IL18RAP: variants seen among roughly 807,000 people sequenced by gnomAD.
IL18RAP encodes the protein interleukin-18 receptor accessory protein.
IL18RAP carries 37 observed loss-of-function variants against 58.1 expected under a neutral mutation model. That is an observed-to-expected ratio of 0.64 (90% CI 0.49 to 0.84). The LOEUF is 0.84. Among genes scored for constraint, IL18RAP ranks in the 40% least tolerant of loss-of-function variants. The probability of loss-of-function intolerance (pLI) is 0.00; values close to 1 mark genes in which losing one functional copy is unlikely to be tolerated. For synonymous variants in IL18RAP, 268 were observed against 257.5 expected (o/e 1.04, Z -0.39); for missense variants, 667 against 704.8 (o/e 0.95, Z 0.61).
intron 8 of IL18RAP, among the ~76,000 whole-genome samples, chr2:102,449,368 T>C (rs1427779132): frequency 6.6e-6 from 1 of 152,190 alleles, no homozygotes; most frequent in Admixed American, 6.5e-5. Flanking sequence ...TTAAGATTTA[T>C]TTTAATAACT....
Position 102,450,835 on chromosome 2 carries a change from T to C in IL18RAP, c.1211-13T>C. ...AAATGACTTATGTTTTTATAAATTT[T>C]CCTATTCTTCAGATAAAAAGGATTT... On this transcript the variant is annotated splice_polypyrimidine_tract_variant and intron_variant, in intron 8 of 9. Coordinates refer to ENST00000687160, the MANE Select transcript of IL18RAP (RefSeq NM_001393487.1). 6.4e-7 allele frequency: 1 copy of C among 1,552,628 alleles called. No individual in the cohort carries two copies. The highest frequency in any genetic ancestry group is 8.7e-7 in the Non-Finnish European group (1 of 1,147,698).
intron 7 of IL18RAP, among the ~76,000 whole-genome samples, chr2:102,446,183 G>C (rs1345976522): frequency 6.6e-6 from 1 of 152,108 alleles, no homozygotes; most frequent in Non-Finnish European, 1.5e-5. Flanking sequence ...TTTACGAGGG[G>C]AAAAAATAAA....
intron 3 of IL18RAP, chr2:102,435,043 T>C (rs1461366691): frequency 1.3e-5 from 2 of 152,220 alleles, no homozygotes; most frequent in Non-Finnish European, 2.9e-5. Context: ...TAGAATGTTG[T>C]TAGTTGATAA....
intron 5 of IL18RAP, among the ~76,000 whole-genome samples, chr2:102,442,412 T>C (rs1464895786): frequency 1.3e-5 from 2 of 151,988 alleles, no homozygotes; most frequent in Non-Finnish European, 2.9e-5. Context: ...GCAGGAGTGG[T>C]GTGTTCTGAC....
At position 102,443,227 on chromosome 2, in the gene IL18RAP, C is replaced by T. The variant is rs772036162; in HGVS notation, c.824C>T (p.Ala275Val). 6.2e-7 allele frequency: 1 copy of T among 1,613,334 alleles called. No individual in the cohort carries two copies. Among genetic ancestry groups the T allele is most frequent in the Admixed American group, 1.7e-5 (1 of 59,742 alleles). Residue 275 changes from alanine (A) to valine (V), a missense_variant, in exon 6 of 10, where the codon GCA (alanine) becomes GTA (valine). Transcript: ENST00000687160. ...AAGCCTTTAACTATTAGCTGCAAAG[C>T]ACGATTTGGCTTTGAAAGGGTCTTT... ...LGKPLTISCK[A>V]RFGFERVFNP...
intron 4 of IL18RAP, among the ~76,000 whole-genome samples, chr2:102,438,315 C>T (rs141456395): frequency 9.2e-5 from 14 of 152,298 alleles, no homozygotes; most frequent in South Asian, 2.1e-4. Context: ...GAGTGGTTGA[C>T]GTAGCTGTTA....
Position 102,441,330 on chromosome 2 carries a change from A to G in IL18RAP, c.749A>G (p.Lys250Arg). ...VRTIVGDTKL[K>R]PDILDPVEDT... The stretch of plus-strand genomic sequence containing the variant: ...CTTTCAGTGGGAGACACTAAACTCA[A>G]ACCAGATATTCTGGATCCTGTCGAG... The change falls in exon 5 of 10, where the codon AAA becomes AGA. Residue 250 changes from lysine (K) to arginine (R), a missense_variant. Lys to Arg is a conservative substitution (Grantham distance 26, BLOSUM62 2). Coordinates refer to ENST00000687160, the MANE Select transcript of IL18RAP (RefSeq NM_001393487.1). The G allele has an allele frequency of 6.2e-7, 1 of 1,613,374 alleles. No individual in the cohort carries two copies.
At chr2:102,439,669 GT>G (rs1356565312) in intron 4 of IL18RAP, 2 of 152,270 alleles carry the variant, frequency 1.3e-5, no homozygotes, top group African/African-American at 4.8e-5. Context: ...AATCAAGGAT[GT>G]TTTTTGTTTT....
At chr2:102,432,958 C>T (rs562945555) in intron 3 of IL18RAP, among the ~76,000 whole-genome samples, 2 of 152,136 alleles carry the variant, frequency 1.3e-5, no homozygotes, top group Admixed American at 6.5e-5. Context: ...TGTAATGTAA[C>T]GGCATTTTAT....
chr2:102,443,179 C>G, intron 5 of IL18RAP, 21 bp from the exon 6 acceptor site: 2 of 1,603,594 alleles, frequency 1.2e-6, no homozygotes, highest in Non-Finnish European at 1.7e-6. Flanking sequence ...TTCTTGTTTT[C>G]TCTGGCCTCT....
chr2:102,421,211 C>A (rs966513835), upstream of IL18RAP, among the ~76,000 whole-genome samples: 1 of 152,054 alleles, frequency 6.6e-6, no homozygotes, highest in Non-Finnish European at 1.5e-5. Context: ...TATTTTCAGA[C>A]AATAATATGT....
At chr2:102,438,901 G>A (rs1682923271) in intron 4 of IL18RAP, 1 of 152,252 alleles carries the variant, frequency 6.6e-6, no homozygotes, top group Non-Finnish European at 1.5e-5. Flanking sequence ...GGAGCACTAT[G>A]GGCACATGGA....
chr2:102,426,333 GA>G (rs1681940623), intron 3 of IL18RAP, among the ~76,000 whole-genome samples: 1 of 152,088 alleles, frequency 6.6e-6, no homozygotes, highest in African/African-American at 2.4e-5. Context: ...CAGATATACA[GA>G]GTATACAACT....
At chr2:102,421,883 G>T (rs1681596348), upstream of IL18RAP, among the ~76,000 whole-genome samples, 1 of 152,076 alleles carries the variant, frequency 6.6e-6, no homozygotes, top group Admixed American at 6.6e-5. Context: ...TGGTATCAGG[G>T]ACCCCACTTC....
At chr2:102,427,002 T>TG (rs1490445855) in intron 3 of IL18RAP, among the ~76,000 whole-genome samples, 1 of 152,172 alleles carries the variant, frequency 6.6e-6, no homozygotes, top group Admixed American at 6.6e-5. Context: ...AGTGAGCTCT[T>TG]GCAGCATTTG....
intron 7 of IL18RAP, 73 bp downstream of exon 7, chr2:102,445,413 A>G: frequency 7.1e-7 from 1 of 1,417,968 alleles, no homozygotes; most frequent in South Asian, 1.2e-5. Flanking sequence ...CCTAAAGAAT[A>G]GTAATAATGA....
chr2:102,446,469 T>A (rs975758084), intron 7 of IL18RAP, among the ~76,000 whole-genome samples: 2 of 152,020 alleles, frequency 1.3e-5, no homozygotes, highest in Non-Finnish European at 2.9e-5. Context: ...CCCTTCTCCC[T>A]CAGTCTCTAA....
intron 7 of IL18RAP, among the ~76,000 whole-genome samples, chr2:102,446,669 C>T (rs1683437672): frequency 6.6e-6 from 1 of 151,942 alleles, no homozygotes; most frequent in African/African-American, 2.4e-5. Context: ...GGCGTGGTGG[C>T]GGGCGCCTGT....
chr2:102,419,509 G>A (rs111301795), upstream of IL18RAP: 6 of 152,244 alleles, frequency 3.9e-5, no homozygotes, highest in East Asian at 1.9e-4. Context: ...TCTCTCCCCC[G>A]TTTCTCACCA....
Sources: gnomAD v4.1 joint callset for allele counts (sites outside exome capture counted in the v4.1 genomes callset) on GRCh38, gnomAD v4.1.1 for gene constraint, MANE v1.5 for transcripts, NCBI Gene and HGNC (gene_info 2026-07-23, HGNC 2026-07-21) for gene names.